The following PFKP variants were observed in gnomAD, a reference collection of about 807,000 sequenced individuals.
PFKP encodes phosphofructokinase, platelet, also known as ATP-dependent 6-phosphofructokinase, platelet type.
PFKP carries 101 observed loss-of-function variants against 94.3 expected under a neutral mutation model. The observed-to-expected ratio is 1.07, with a 90% CI of 0.91 to 1.26. PFKP has a LOEUF of 1.26. PFKP is among the 50% of genes most tolerant of loss of function. The pLI is 0.00. For missense variants in PFKP, 1,145 were observed against 1,103.3 expected, an observed-to-expected ratio of 1.04 and a Z score of -0.53; for synonymous variants, 573 against 432.6, an observed-to-expected ratio of 1.32 and a Z score of -4.03.
chr10:3,126,244 G>C (rs1168255765), intron 16 of PFKP, among the ~76,000 whole-genome samples: 7 of 152,190 alleles, frequency 4.6e-5, no homozygotes, highest in African/African-American at 7.2e-5. Flanking sequence ...CTGTGAGTCC[G>C]AGCCTCAGCC....
chr10:3,129,886 G>A lies in PFKP; in HGVS notation c.1751G>A (p.Gly584Asp), dbSNP rs759725155. 3.1e-6 allele frequency: 5 copies of A among 1,613,612 alleles called. No homozygotes were observed. In the East Asian group the frequency reaches 8.9e-5, roughly 29 times the overall value. Residue 584 changes from glycine (G) to aspartate (D), a missense_variant, in exon 17 of 22, where the codon GGC becomes GAC. Physicochemically the swap from Gly to Asp is moderately conservative, Grantham distance 94. Transcript: ENST00000381125. Reference sequence around the variant, plus strand: ...CGCGTGTTCATCATCGAGACCATGGGCGGCTACTGTGGCTACCTGGCCAAC... The same window carrying A: ...CGCGTGTTCATCATCGAGACCATGGACGGCTACTGTGGCTACCTGGCCAAC... ...KRRVFIIETM[G>D]GYCGYLANMG...
chr10:3,116,902 G>T, intron 14 of PFKP, 56 bp downstream of exon 14: 2 of 1,351,608 alleles, frequency 1.5e-6, no homozygotes, highest in South Asian at 2.3e-5. Flanking sequence ...GAAGAGCCGT[G>T]TTCTGGGAGA....
rs142143981 is a variant in PFKP at position 3,129,973 on chromosome 10, G to A, written c.1838G>A (p.Arg613Lys). The A allele has an allele frequency of 6.3e-7, 1 of 1,579,232 alleles. No individual in the cohort carries two copies. The highest frequency in any genetic ancestry group is 8.6e-7 in the Non-Finnish European group (1 of 1,160,436). The change falls in exon 17 of 22, where the codon AGG becomes AAG. Residue 613 changes from arginine to lysine, a missense_variant. Coordinates refer to ENST00000381125, the MANE Select transcript of PFKP (RefSeq NM_002627.5). ...AYIFEEPFDIRDLQSNVEHLT... is the reference protein window; with the variant it reads ...AYIFEEPFDIKDLQSNVEHLT... ...ATTTTCGAAGAGCCCTTCGACATCA[G>A]GGATCTGCAGGTATGTGACGGGGCT...
chr10:3,117,797 C>A (rs140551245), intron 14 of PFKP, among the ~76,000 whole-genome samples: 57 of 152,286 alleles, frequency 3.7e-4, no homozygotes, highest in African/African-American at 1.3e-3. Flanking sequence ...TGCTCTCGAA[C>A]GTAGAGAGGA....
chr10:3,069,183 C>T, intron 1 of PFKP: 1 of 1,224,102 alleles, frequency 8.2e-7, no homozygotes, highest in Non-Finnish European at 1.0e-6. Context: ...CGCCAGGCCC[C>T]GCCCCGCAGC....
intron 18 of PFKP, among the ~76,000 whole-genome samples, chr10:3,132,945 CAG>C (rs1838764925): frequency 6.6e-6 from 1 of 152,332 alleles, no homozygotes; most frequent in African/African-American, 2.4e-5. Flanking sequence ...TCACGCTACT[CAG>C]AATGGTGTGC....
intron 4 of PFKP, among the ~76,000 whole-genome samples, chr10:3,102,217 C>G (rs936475638): frequency 6.5e-5 from 8 of 122,392 alleles, no homozygotes; most frequent in African/African-American, 2.1e-4. Context: ...CGCCACTGCA[C>G]TCCAGCCTGG....
chr10:3,135,787 G>A lies in PFKP; in HGVS notation c.2174G>A (p.Arg725Lys), dbSNP rs146709282. 193 of 1,613,718 alleles carry A rather than the reference G, an allele frequency of 1.2e-4. No individual in the cohort carries two copies. The highest frequency in any genetic ancestry group is 1.6e-4 in the Non-Finnish European group (190 of 1,179,794). ...ATTTGTGTGCTGGGAATAAGCAAAA[G>A]AAACGTTATTTTTCAACCTGTGGCA... ...DSICVLGISKRNVIFQPVAEL... is the reference protein window; with the variant it reads ...DSICVLGISKKNVIFQPVAEL... The change falls in exon 21 of 22, where the codon AGA (arginine) becomes AAA (lysine). Residue 725 changes from arginine to lysine, a missense_variant. This residue lies in a region of PFKP where 1,119 missense variants were observed against 1,062.8 expected (regional missense o/e 1.05). Coordinates refer to ENST00000381125, the MANE Select transcript of PFKP (RefSeq NM_002627.5).
At chr10:3,129,745 T>A (rs1045470205) in intron 16 of PFKP, 74 bp from the exon 17 acceptor site, 2 of 1,537,082 alleles carry the variant, frequency 1.3e-6, no homozygotes, top group East Asian at 2.3e-5. Context: ...CTGCACTCAC[T>A]CTTGGGGGAG....
chr10:3,133,379 C>G (rs1838829270), intron 19 of PFKP, 65 bp downstream of exon 19: 2 of 1,019,624 alleles, frequency 2.0e-6, no homozygotes, highest in African/African-American at 3.2e-5. Flanking sequence ...AGATTAGTGT[C>G]TTATTTTAGC....
intron 16 of PFKP, among the ~76,000 whole-genome samples, chr10:3,127,937 G>A (rs1838135176): frequency 6.6e-6 from 1 of 152,160 alleles, no homozygotes; most frequent in Non-Finnish European, 1.5e-5. Context: ...GATTTCATCC[G>A]AAGTGCTCAA....
rs759124045 is a variant in PFKP at position 3,108,707 on chromosome 10, G to T, written c.877G>T (p.Val293Phe). Residue 293 changes from valine to phenylalanine, a missense_variant, in exon 9 of 22, where the codon GTC becomes TTC. Physicochemically the swap from Val to Phe is conservative, Grantham distance 50. Coordinates refer to ENST00000381125, the MANE Select transcript of PFKP (RefSeq NM_002627.5). ...ITSEKIKELV[V>F]TQLGYDTRVT... ...ACGAGATGTTTCCTTGCAGCTTGTC[G>T]TCACGCAGCTGGGCTATGACACACG... The T allele has an allele frequency of 6.2e-7, 1 of 1,613,480 alleles. No homozygotes were observed. The highest frequency in any genetic ancestry group is 1.1e-5 in the South Asian group (1 of 91,074).
At chr10:3,119,570 A>G (rs1489295620) in intron 15 of PFKP, among the ~76,000 whole-genome samples, 2 of 151,790 alleles carry the variant, frequency 1.3e-5, no homozygotes, top group Non-Finnish European at 2.9e-5. Flanking sequence ...GCACCACCTC[A>G]CTCCAGCCTG....
At chr10:3,112,088 A>G in intron 10 of PFKP, 134 bp from the exon 11 acceptor site, 1 of 730,084 alleles carries the variant, frequency 1.4e-6, no homozygotes, top group Non-Finnish European at 2.5e-6. Context: ...TAGACCATTA[A>G]CCCTGGGGCT....
chr10:3,101,537 AGGAGC>A lies in PFKP; in HGVS notation c.438_442del (p.Glu146AspfsTer9). On this transcript the variant is annotated frameshift_variant, in exon 4 of 22. Transcript: ENST00000381125. LOFTEE classifies it high-confidence loss of function. Reference sequence around the variant, plus strand: ...CGGAAGGAGTGGAGTGGGCTGCTGGAGGAGCTGGCCAGGAACGGTGAGTGGACACC... The same window carrying A: ...CGGAAGGAGTGGAGTGGGCTGCTGGATGGCCAGGAACGGTGAGTGGACACC... 1 of 1,555,590 alleles carries A rather than the reference AGGAGC, an allele frequency of 6.4e-7. No homozygotes were observed. Among genetic ancestry groups the A allele is most frequent in the Non-Finnish European group, 8.7e-7 (1 of 1,149,990 alleles).
At chr10:3,093,399 T>A (rs975360019) in intron 2 of PFKP, among the ~76,000 whole-genome samples, 2 of 152,192 alleles carry the variant, frequency 1.3e-5, no homozygotes, top group Non-Finnish European at 2.9e-5. Context: ...AAATAAGTGA[T>A]GCTTGAGCAC....
chr10:3,134,392 A>T (rs918541040), intron 19 of PFKP, 91 bp from the exon 20 acceptor site: 21 of 800,822 alleles, frequency 2.6e-5, no homozygotes, highest in Non-Finnish European at 4.2e-5. Flanking sequence ...AAATAAAAAC[A>T]TGAATTCTGC....
intron 2 of PFKP, among the ~76,000 whole-genome samples, chr10:3,091,861 T>G (rs1330113140): frequency 6.6e-6 from 1 of 152,242 alleles, no homozygotes; most frequent in African/African-American, 2.4e-5. Flanking sequence ...GACAGCTGTT[T>G]GTAAACAATA....
chr10:3,123,229 G>A (rs970658412), intron 16 of PFKP, among the ~76,000 whole-genome samples: 19 of 152,138 alleles, frequency 1.2e-4, no homozygotes, highest in East Asian at 1.2e-3. Context: ...CCATTACTCC[G>A]TCCTGTAAGC....
Sources: gnomAD v4.1 joint callset for allele counts (sites outside exome capture counted in the v4.1 genomes callset) on GRCh38, gnomAD v4.1.1 for gene constraint, gnomAD v4.1.1 regional missense constraint, MANE v1.5 for transcripts, NCBI Gene and HGNC (gene_info 2026-07-23, HGNC 2026-07-21) for gene names.